Variants in SLC22A23 observed in about 807,000 individuals in gnomAD.
The protein encoded by SLC22A23 is solute carrier family 22 member 23.
In SLC22A23, 26 loss-of-function variants were observed where a neutral mutation model predicts 61.0. The observed-to-expected ratio is 0.43, with a 90% confidence interval of 0.31 to 0.59. SLC22A23 has a LOEUF of 0.59. SLC22A23 is among the 20% of genes least tolerant of loss of function. The pLI, the probability that SLC22A23 is intolerant of heterozygous loss-of-function variation, is 0.11. For synonymous variants in SLC22A23, 430 were observed against 413.9 expected, an observed-to-expected ratio of 1.04 and a Z score of -0.47; for missense variants, 796 against 934.7, an observed-to-expected ratio of 0.85 and a Z score of 1.94.
At chr6:3,321,142 G>GC (rs1251060500) in intron 4 of SLC22A23, among the ~76,000 whole-genome samples, 1 of 152,168 alleles carries the variant, frequency 6.6e-6, no homozygotes, top group East Asian at 1.9e-4. Context: ...CCTTCAGACT[G>GC]CCCCTCCATG....
intron 4 of SLC22A23, among the ~76,000 whole-genome samples, chr6:3,315,199 C>A (rs1365362248): frequency 6.6e-6 from 1 of 151,666 alleles, no homozygotes; most frequent in East Asian, 1.9e-4. Flanking sequence ...TCACTTCCTG[C>A]AGGGTTGGAG....
chr6:3,412,268 T>C (rs936122408), intron 2 of SLC22A23, among the ~76,000 whole-genome samples: 1 of 152,212 alleles, frequency 6.6e-6, no homozygotes, highest in Admixed American at 6.5e-5. Flanking sequence ...GTAAAACTTA[T>C]CAAGGTCTAC....
chr6:3,439,734 C>T (rs933377636), intron 1 of SLC22A23, among the ~76,000 whole-genome samples: 1 of 152,092 alleles, frequency 6.6e-6, no homozygotes, highest in African/African-American at 2.4e-5. Flanking sequence ...TTACAGAGTA[C>T]CTGCTAGGCC....
chr6:3,352,596 T>C (rs1445693662), intron 3 of SLC22A23, among the ~76,000 whole-genome samples: 8 of 152,184 alleles, frequency 5.3e-5, no homozygotes, highest in Non-Finnish European at 1.2e-4. Context: ...TCTGCCATTC[T>C]TGTTTTTCCA....
At position 3,325,300 on chromosome 6, in the gene SLC22A23, G is replaced by A. The variant is rs115191674; in HGVS notation, c.914-1298C>T. 8.1e-3 allele frequency among the ~76,000 whole-genome samples: 1,234 copies of A among 152,264 alleles called. 17 individuals are homozygous for A. Among genetic ancestry groups the A allele is most frequent in the African/African-American group, 0.028 (1,163 of 41,542 alleles). ...GGCAATAAGGGAAGCAGACTAGAGA[G>A]AGTACAGATGAATTATGCTTGGCTA... On this transcript the variant is annotated intron_variant, in intron 3 of 9. Transcript: ENST00000406686.
At chr6:3,445,734 G>A (rs1021204064) in intron 1 of SLC22A23, among the ~76,000 whole-genome samples, 2 of 152,150 alleles carry the variant, frequency 1.3e-5, no homozygotes, top group African/African-American at 4.8e-5. Context: ...GCTCGAGCAA[G>A]TGGAATAGCA....
At chr6:3,344,582 C>T (rs926727950) in intron 3 of SLC22A23, among the ~76,000 whole-genome samples, 7 of 152,160 alleles carry the variant, frequency 4.6e-5, no homozygotes, top group African/African-American at 1.7e-4. Context: ...AAAAGCCATT[C>T]TATAATGTTT....
chr6:3,289,709 C>T (rs1397595825), intron 6 of SLC22A23, 55 bp downstream of exon 6: 29 of 1,481,650 alleles, frequency 2.0e-5, no homozygotes, highest in Non-Finnish European at 2.6e-5. Context: ...CACCACTCCC[C>T]ACCTTCTTCC....
intron 4 of SLC22A23, among the ~76,000 whole-genome samples, chr6:3,306,838 C>T (rs986235109): frequency 2.0e-5 from 3 of 152,156 alleles, no homozygotes; most frequent in Non-Finnish European, 2.9e-5. Flanking sequence ...AGGACAAGGA[C>T]GCTGTCTAGA....
chr6:3,360,478 G>T lies in SLC22A23; in HGVS notation c.914-36476C>A, dbSNP rs1765366318. ...GCTCACTGCATTGCCATTCTTGGGG[G>T]CATTTGTCTCATCTGCCTTAAAATA... On this transcript the variant is annotated intron_variant, in intron 3 of 9. Transcript: ENST00000406686. The surrounding 1 kb of genome is among the most constrained non-coding windows in gnomAD (Gnocchi z 4.6). 6.6e-6 allele frequency among the ~76,000 whole-genome samples: 1 copy of T among 152,194 alleles called. No individual in the cohort carries two copies. Among genetic ancestry groups the T allele is most frequent in the African/African-American group, 2.4e-5 (1 of 41,456 alleles).
chr6:3,388,578 A>G (rs1233321438), intron 3 of SLC22A23, among the ~76,000 whole-genome samples: 1 of 152,222 alleles, frequency 6.6e-6, no homozygotes, highest in Non-Finnish European at 1.5e-5. Context: ...AACAAATGAA[A>G]GAAGGTACTC....
intron 1 of SLC22A23, among the ~76,000 whole-genome samples, chr6:3,451,703 G>A (rs1275985022): frequency 6.6e-6 from 1 of 152,186 alleles, no homozygotes; most frequent in African/African-American, 2.4e-5. Context: ...TGCTGTCTAT[G>A]TCACTTGGAA....
chr6:3,279,173 T>C (rs1268662348), intron 9 of SLC22A23, among the ~76,000 whole-genome samples: 1 of 151,956 alleles, frequency 6.6e-6, no homozygotes, highest in Non-Finnish European at 1.5e-5. Flanking sequence ...AATATATCTT[T>C]TTATTTTTTT....
intron 4 of SLC22A23, chr6:3,313,599 T>A (rs909671011): frequency 6.6e-6 from 1 of 152,210 alleles, no homozygotes. Context: ...TCTCTTTGTA[T>A]AATGCAGCAT....
chr6:3,297,590 A>C lies in SLC22A23; in HGVS notation c.1210+501T>G, dbSNP rs1761224523. 6.6e-6 allele frequency among the ~76,000 whole-genome samples: 1 copy of C among 152,196 alleles called. No homozygotes were observed. The highest frequency in any genetic ancestry group is 1.5e-5 in the Non-Finnish European group (1 of 68,036). On this transcript the variant is annotated intron_variant, in intron 5 of 9. Transcript: ENST00000406686. The surrounding 1 kb of genome is among the most constrained non-coding windows in gnomAD (Gnocchi z 4.3). ...CCACCTAGCTGTGGTAACGCTCCTG[A>C]CACGCAGGAATTCTATGGATCTGAA... is the stretch of plus-strand genomic sequence containing the variant.
chr6:3,384,128 C>G (rs993635685), intron 3 of SLC22A23, among the ~76,000 whole-genome samples: 3 of 152,164 alleles, frequency 2.0e-5, no homozygotes, highest in African/African-American at 7.2e-5. Flanking sequence ...TTATAGACTG[C>G]TACAAGCAGG....
In SLC22A23 at chr6:3,372,165, GCA is replaced by G. The variant is rs1766260393; in HGVS notation, c.913+38021_913+38022del. Among the ~76,000 whole-genome samples the G allele has an allele frequency of 6.6e-6, 1 of 152,206 alleles. No homozygotes were observed. Among genetic ancestry groups the G allele is most frequent in the Non-Finnish European group, 1.5e-5 (1 of 68,038 alleles). On this transcript the variant is annotated intron_variant, in intron 3 of 9. Transcript: ENST00000406686. This position sits in a 1 kb window ranked among gnomAD's most constrained non-coding sequence, Gnocchi z 4.7. ...CCAGGATCTGAGCTCTGCCTCGAGGGCACAGACTCCTGTGATGAGGCTGGACC... is the reference window on the plus strand; with the variant it reads ...CCAGGATCTGAGCTCTGCCTCGAGGGCAGACTCCTGTGATGAGGCTGGACC...
intron 9 of SLC22A23, among the ~76,000 whole-genome samples, chr6:3,279,439 A>G (rs9503519): frequency 0.84 from 123,490 of 146,388 alleles, 52,996 homozygotes; most frequent in Non-Finnish European, 0.93. Context: ...TGAACCAGGG[A>G]GTTGGAGGTT....
rs966392909 is a variant in SLC22A23 at position 3,318,949 on chromosome 6, C to T, written c.1082+4885G>A. ...CCAGGGCCACTCTCAAAGCATCTCT[C>T]GAATCAGCCCTCTGCAGGTGACACC... On this transcript the variant is annotated intron_variant, in intron 4 of 9. Transcript: ENST00000406686. The surrounding 1 kb of genome is among the most constrained non-coding windows in gnomAD (Gnocchi z 4.3). Among the ~76,000 whole-genome samples, 2 of 152,192 alleles carry T rather than the reference C, an allele frequency of 1.3e-5. No homozygotes were observed. Among genetic ancestry groups the T allele is most frequent in the Non-Finnish European group, 2.9e-5 (2 of 68,020 alleles).
Sources: gnomAD v4.1 joint callset for allele counts (sites outside exome capture counted in the v4.1 genomes callset) on GRCh38, gnomAD v4.1.1 for gene constraint, Gnocchi (gnomAD v3.1) non-coding constraint, MANE v1.5 for transcripts, NCBI Gene and HGNC (gene_info 2026-07-23, HGNC 2026-07-21) for gene names.